VWA5B1: variants seen among roughly 807,000 people sequenced by gnomAD.
VWA5B1 encodes the protein von Willebrand factor A domain containing 5B1, also known as von Willebrand factor A domain-containing protein 5B1.
VWA5B1 carries 115 observed loss-of-function variants against 118.2 expected under a neutral mutation model. That is an observed-to-expected ratio of 0.97 (90% CI 0.84 to 1.14). The LOEUF (loss-of-function observed/expected upper bound fraction) is 1.14. Ranked by LOEUF, VWA5B1 falls within the 50% of genes most tolerant of loss-of-function variation. VWA5B1 has a pLI of 0.00. For synonymous variants in VWA5B1, 682 were observed against 658.4 expected (o/e 1.04, Z -0.55); for missense variants, 1,596 against 1,603.8 (o/e 1.00, Z 0.08).
At chr1:20,313,585 C>T (rs1385713437) in intron 3 of VWA5B1, among the ~76,000 whole-genome samples, 2 of 152,188 alleles carry the variant, frequency 1.3e-5, no homozygotes, top group Non-Finnish European at 2.9e-5. Context: ...TTAGGCAGCA[C>T]GTCACACAGC....
chr1:20,291,387 T>TCTCTCTCTCTCTCTCTCTCTCTCTCGA (rs57894456), intron 1 of VWA5B1, among the ~76,000 whole-genome samples: 1 of 114,170 alleles, frequency 8.8e-6, no homozygotes, highest in African/African-American at 4.2e-5. Context: ...CTCTCTCTCT[T>TCTCTCTCTCTCTCTCTCTCTCTCTCGA]TCTGTCTCCT....
At chr1:20,330,838 CAT>C in intron 10 of VWA5B1, 29 bp from the exon 11 acceptor site, 1 of 1,530,026 alleles carries the variant, frequency 6.5e-7, no homozygotes, top group Admixed American at 2.0e-5. Context: ...GAGGATAAGA[CAT>C]AGCAGCCTCT....
chr1:20,343,005 G>A (rs1200421161), intron 15 of VWA5B1, 74 bp from the exon 16 acceptor site: 5 of 1,455,182 alleles, frequency 3.4e-6, no homozygotes, highest in Non-Finnish European at 3.6e-6. Flanking sequence ...TCCCTGGGGA[G>A]GAATGATGTC....
At chr1:20,314,666 G>C in intron 4 of VWA5B1, 74 bp downstream of exon 4, 3 of 1,506,192 alleles carry the variant, frequency 2.0e-6, no homozygotes, top group Non-Finnish European at 2.7e-6. Flanking sequence ...CATTAGTAGG[G>C]GACAGGGTGG....
intron 20 of VWA5B1, among the ~76,000 whole-genome samples, chr1:20,351,786 G>A (rs1295991530): frequency 6.6e-6 from 1 of 152,184 alleles, no homozygotes; most frequent in African/African-American, 2.4e-5. Context: ...CAGCCTAGGT[G>A]ACAGAGTGAG....
intron 1 of VWA5B1, among the ~76,000 whole-genome samples, chr1:20,307,759 C>G (rs1377316663): frequency 6.6e-6 from 1 of 151,706 alleles, no homozygotes; most frequent in East Asian, 1.9e-4. Flanking sequence ...TATGCATTAA[C>G]CAGGCCTCCA....
chr1:20,314,407 C>G lies in VWA5B1; in HGVS notation c.378C>G (p.Ile126Met). Reference protein sequence around the residue: ...KVTLDEDLERILFVANLGTIA... With the variant: ...KVTLDEDLERMLFVANLGTIA... ...CCTTGGACGAGGATTTGGAGCGGATCCTGTTCGTGGCCAACCTGGGGACCA... is the reference window on the plus strand; with the variant it reads ...CCTTGGACGAGGATTTGGAGCGGATGCTGTTCGTGGCCAACCTGGGGACCA... The change falls in exon 4 of 22, where the codon ATC becomes ATG. Residue 126 changes from isoleucine (I) to methionine (M), a missense_variant. Physicochemically the swap from Ile to Met is conservative, Grantham distance 10 (BLOSUM62 1). Coordinates refer to ENST00000289815, the MANE Select transcript of VWA5B1 (RefSeq NM_001039500.3). 1 of 1,552,016 alleles carries G rather than the reference C, an allele frequency of 6.4e-7. No individual in the cohort carries two copies. The highest frequency in any genetic ancestry group is 8.7e-7 in the Non-Finnish European group (1 of 1,147,076).
At chr1:20,304,950 TC>T (rs948558900) in intron 1 of VWA5B1, among the ~76,000 whole-genome samples, 15 of 151,704 alleles carry the variant, frequency 9.9e-5, no homozygotes, top group Non-Finnish European at 1.8e-4. Flanking sequence ...TGTAAAGCAC[TC>T]AGTGGTATTT....
In VWA5B1 at chr1:20,358,620, T is replaced by C. The variant is rs1325661926; in HGVS notation, c.*4357T>C. On this transcript the variant is annotated 3_prime_UTR_variant, in exon 22 of 22. Coordinates refer to ENST00000289815, the MANE Select transcript of VWA5B1 (RefSeq NM_001039500.3). ...ATGTGCCCATTATAACATCTCTAAGTGGTCTCTAGAATCAAATGCACTCCA... is the reference window on the plus strand; with the variant it reads ...ATGTGCCCATTATAACATCTCTAAGCGGTCTCTAGAATCAAATGCACTCCA... Among the ~76,000 whole-genome samples, 3 of 152,070 alleles carry C rather than the reference T, an allele frequency of 2.0e-5. No individual in the cohort carries two copies. Among genetic ancestry groups the C allele is most frequent in the Non-Finnish European group, 1.5e-5 (1 of 67,998 alleles).
intron 8 of VWA5B1, 55 bp from the exon 9 acceptor site, chr1:20,327,835 G>GC: frequency 7.0e-7 from 1 of 1,427,698 alleles, no homozygotes; most frequent in Non-Finnish European, 9.7e-7. Context: ...GAGTGCAGTG[G>GC]CCGAGTGACA....
intron 9 of VWA5B1, among the ~76,000 whole-genome samples, chr1:20,328,921 A>G (rs1330368835): frequency 6.6e-6 from 1 of 152,222 alleles, no homozygotes; most frequent in Non-Finnish European, 1.5e-5. Context: ...TGTTCTATGC[A>G]TTTACACACA....
chr1:20,336,171 A>C, intron 12 of VWA5B1, 132 bp from the exon 13 acceptor site: 2 of 763,290 alleles, frequency 2.6e-6, no homozygotes, highest in Non-Finnish European at 3.7e-6. Context: ...AAGCAAACAC[A>C]AAGCTTTCCT....
chr1:20,324,098 G>A (rs1414283156), intron 8 of VWA5B1, among the ~76,000 whole-genome samples: 1 of 152,202 alleles, frequency 6.6e-6, no homozygotes, highest in African/African-American at 2.4e-5. Flanking sequence ...TGCCATCAAG[G>A]AATGTGTAGA....
chr1:20,330,489 A>G (rs2089517755), intron 10 of VWA5B1, 107 bp downstream of exon 10: 13 of 1,310,648 alleles, frequency 9.9e-6, no homozygotes, highest in Non-Finnish European at 1.4e-5. Context: ...GATAGGACCC[A>G]CAATTCCCAA....
At chr1:20,338,150 C>A in intron 14 of VWA5B1, 1 of 514,004 alleles carries the variant, frequency 1.9e-6, no homozygotes, top group Non-Finnish European at 3.8e-6. Context: ...CCCACCTTGG[C>A]TCAGTACAGA....
At chr1:20,351,538 C>G (rs126034) in intron 20 of VWA5B1, among the ~76,000 whole-genome samples, 75,686 of 151,858 alleles carry the variant, frequency 0.5, 19,639 homozygotes, top group East Asian at 0.91. Flanking sequence ...TGTAGTCCCA[C>G]CTACTAGGGA....
Position 20,359,246 on chromosome 1 carries a change from T to C in VWA5B1, c.*4983T>C, listed in dbSNP as rs762675593. ...TCCCCATCAGAGCCTCAAGTGCCTATGGCATGCTACCCGTGCCCTTGCCTG... is the reference window on the plus strand; with the variant it reads ...TCCCCATCAGAGCCTCAAGTGCCTACGGCATGCTACCCGTGCCCTTGCCTG... On this transcript the variant is annotated 3_prime_UTR_variant, in exon 22 of 22. Transcript: ENST00000289815. Among the ~76,000 whole-genome samples, 1 of 152,222 alleles carries C rather than the reference T, an allele frequency of 6.6e-6. No individual in the cohort carries two copies. Among genetic ancestry groups the C allele is most frequent in the Non-Finnish European group, 1.5e-5 (1 of 68,034 alleles).
In VWA5B1 at chr1:20,337,688, A is replaced by C; in HGVS notation, c.1985A>C (p.Gln662Pro). The C allele has an allele frequency of 6.4e-7, 1 of 1,551,724 alleles. No homozygotes were observed. The highest frequency in any genetic ancestry group is 8.7e-7 in the Non-Finnish European group (1 of 1,146,990). ...CGACGGAGGGCATACAGCACCAACC[A>C]GATCACCAATCACAAGCCCCTCCCA... is the stretch of plus-strand genomic sequence containing the variant. ...SQRRRAYSTN[Q>P]ITNHKPLPRA... Residue 662 changes from glutamine to proline, a missense_variant, in exon 14 of 22, where the codon CAG (glutamine) becomes CCG (proline). Gln to Pro is a moderately conservative substitution (Grantham distance 76). Coordinates refer to ENST00000289815, the MANE Select transcript of VWA5B1 (RefSeq NM_001039500.3).
rs2088947599 is a variant in VWA5B1 at position 20,314,579 on chromosome 1, C to A, written c.550C>A (p.Gln184Lys). The A allele has an allele frequency of 6.4e-7, 1 of 1,551,448 alleles. No individual in the cohort carries two copies. Among genetic ancestry groups the A allele is most frequent in the Non-Finnish European group, 8.7e-7 (1 of 1,146,976 alleles). Residue 184 changes from glutamine to lysine, a missense_variant, in exon 4 of 22, where the codon CAA (glutamine) becomes AAA (lysine). Coordinates refer to ENST00000289815, the MANE Select transcript of VWA5B1 (RefSeq NM_001039500.3). The part of the protein sequence containing the change: ...FCTKSTGTSN[Q>K]QAQGKDRHCF... Reference sequence around the variant, plus strand: ...CACCAAGAGCACTGGCACCTCCAACCAACAGGCCCAGGGGTAAGGAAGCCC... The same window carrying A: ...CACCAAGAGCACTGGCACCTCCAACAAACAGGCCCAGGGGTAAGGAAGCCC...
Sources: allele counts gnomAD v4.1 joint callset (sites outside exome capture counted in the v4.1 genomes callset), GRCh38; gene constraint gnomAD v4.1.1; transcripts MANE v1.5; gene names NCBI Gene and HGNC (gene_info 2026-07-23, HGNC 2026-07-21).